Variants in MORC1 observed in about 807,000 individuals in gnomAD.
MORC1 encodes MORC family CW-type zinc finger 1.
A neutral mutation model predicts 134.9 loss-of-function variants in MORC1; 59 were observed. The ratio of observed to expected loss-of-function variants is 0.44; its 90% CI spans 0.35 to 0.54. The LOEUF is 0.54. MORC1 is among the 20% of genes least tolerant of loss of function. The pLI is 0.00. For synonymous variants in MORC1, 395 were observed against 391.7 expected (o/e 1.01, Z -0.10); for missense variants, 947 against 1,134.5 (o/e 0.83, Z 2.37).
intron 17 of MORC1, among the ~76,000 whole-genome samples, chr3:109,025,624 C>G (rs1351709238): frequency 3.3e-5 from 5 of 151,994 alleles, no homozygotes; most frequent in African/African-American, 1.2e-4. Flanking sequence ...CTCAAGTGAT[C>G]TGCCCATCTC....
At chr3:109,095,108 C>T (rs768970635) in intron 6 of MORC1, 40 bp from the exon 7 acceptor site, 4 of 1,508,292 alleles carry the variant, frequency 2.7e-6, no homozygotes, top group Admixed American at 2.3e-5. Flanking sequence ...ATGAAATACA[C>T]AAAAAACATT....
chr3:108,999,948 T>C (rs1485775350), intron 21 of MORC1, among the ~76,000 whole-genome samples: 1 of 152,200 alleles, frequency 6.6e-6, no homozygotes, highest in Non-Finnish European at 1.5e-5. Flanking sequence ...ATTTCTTATA[T>C]AGTCAGTCCT....
chr3:108,974,077 C>A (rs1947479932), intron 24 of MORC1, among the ~76,000 whole-genome samples: 1 of 152,042 alleles, frequency 6.6e-6, no homozygotes, highest in Admixed American at 6.6e-5. Flanking sequence ...TTCCCTGGAC[C>A]CTCCTTCAGT....
chr3:109,094,832 A>G, intron 7 of MORC1, 77 bp downstream of exon 7: 1 of 1,327,244 alleles, frequency 7.5e-7, no homozygotes. Context: ...AAAAAATGAA[A>G]ACATATGTAC....
In MORC1 at chr3:109,023,630, T is replaced by C. The variant is rs1189265589; in HGVS notation, c.1704+4121A>G. On this transcript the variant is annotated intron_variant, in intron 17 of 27. Coordinates refer to ENST00000232603, the MANE Select transcript of MORC1 (RefSeq NM_014429.4). ...TTCTGTGTGCATGATAATGACACAA[T>C]CATCCTTGTCACACAATAGAAGGTA... Among the ~76,000 whole-genome samples the C allele has an allele frequency of 2.0e-5, 3 of 152,188 alleles. No homozygotes were observed. In the East Asian group the frequency reaches 5.8e-4, roughly 29 times the overall value.
At chr3:109,038,465 G>A (rs1949432791) in intron 14 of MORC1, among the ~76,000 whole-genome samples, 1 of 151,988 alleles carries the variant, frequency 6.6e-6, no homozygotes, top group Admixed American at 6.6e-5. Flanking sequence ...GTCTATTTTG[G>A]CTTTTGTTGC....
chr3:109,116,069 G>A (rs867358087), intron 1 of MORC1, among the ~76,000 whole-genome samples: 51 of 152,146 alleles, frequency 3.4e-4, no homozygotes, highest in South Asian at 6.2e-4. Flanking sequence ...CTCCGCTTAT[G>A]GTAAAATGGG....
intron 8 of MORC1, among the ~76,000 whole-genome samples, chr3:109,078,364 A>C (rs1460694728): frequency 6.6e-6 from 1 of 152,072 alleles, no homozygotes; most frequent in Non-Finnish European, 1.5e-5. Context: ...CCATACAATT[A>C]GAGCAACAAT....
rs1453286996 is a variant in MORC1, at chr3:109,117,994, C to T, written c.65+1G>A. 1.3e-6 allele frequency: 2 copies of T among 1,599,038 alleles called. No individual in the cohort carries two copies. The highest frequency in any genetic ancestry group is 1.1e-5 in the South Asian group (1 of 88,228). On this transcript the variant is annotated splice_donor_variant, in intron 1 of 27. Transcript: ENST00000232603. LOFTEE classifies it high-confidence loss of function. The stretch of plus-strand genomic sequence containing the variant: ...GACCCCGACCCCACCTCGGCACTCA[C>T]GAGTTGGCGTGGATGAAATCCAGAC...
At chr3:109,108,679 C>T (rs1270283472) in intron 3 of MORC1, among the ~76,000 whole-genome samples, 1 of 152,196 alleles carries the variant, frequency 6.6e-6, no homozygotes, top group Non-Finnish European at 1.5e-5. Flanking sequence ...GGGCGGATCA[C>T]AAGGTCAGGA....
chr3:108,996,786 G>A (rs542253601), intron 21 of MORC1, among the ~76,000 whole-genome samples: 3 of 152,074 alleles, frequency 2.0e-5, no homozygotes, highest in South Asian at 2.1e-4. Flanking sequence ...TGAGGCGGGC[G>A]GATCATGAGT....
At chr3:109,041,778 G>A (rs757639166) in intron 14 of MORC1, among the ~76,000 whole-genome samples, 9 of 152,016 alleles carry the variant, frequency 5.9e-5, no homozygotes, top group Admixed American at 1.3e-4. Context: ...ACCAGAAGGC[G>A]GAGGTTGCAA....
intron 14 of MORC1, among the ~76,000 whole-genome samples, chr3:109,037,406 G>A (rs150140788): frequency 2.6e-5 from 4 of 152,262 alleles, no homozygotes; most frequent in Non-Finnish European, 5.9e-5. Flanking sequence ...TAGAAGGGTT[G>A]ATGAGGTTTT....
intron 1 of MORC1, among the ~76,000 whole-genome samples, chr3:109,116,620 TA>T (rs1330180145): frequency 6.6e-6 from 1 of 151,960 alleles, no homozygotes; most frequent in Non-Finnish European, 1.5e-5. Context: ...AAAATTTTTT[TA>T]AAAAAAGAAT....
chr3:108,976,663 A>T lies in MORC1; in HGVS notation c.2477+2852T>A, dbSNP rs568887369. Among the ~76,000 whole-genome samples the T allele has an allele frequency of 3.1e-4, 47 of 152,302 alleles. 1 individual carries two copies. Among genetic ancestry groups the T allele is most frequent in the African/African-American group, 1.1e-3 (45 of 41,576 alleles). On this transcript the variant is annotated intron_variant, in intron 24 of 27. Transcript: ENST00000232603. Reference sequence around the variant, plus strand: ...TCCTGTGTTCTGTCCAAATTTTTTTATCATAGAATATTTTTAATAAAATAA... The same window carrying T: ...TCCTGTGTTCTGTCCAAATTTTTTTTTCATAGAATATTTTTAATAAAATAA...
intron 26 of MORC1, among the ~76,000 whole-genome samples, chr3:108,969,139 T>C (rs533732359): frequency 6.6e-6 from 1 of 152,270 alleles, no homozygotes; most frequent in East Asian, 1.9e-4. Context: ...AGAGAAAGGT[T>C]GTAAGGAAAT....
intron 3 of MORC1, among the ~76,000 whole-genome samples, chr3:109,105,455 G>A (rs901176826): frequency 1.3e-5 from 2 of 152,084 alleles, no homozygotes; most frequent in African/African-American, 2.4e-5. Context: ...CCCGGGAGGC[G>A]GAGGTTGCAG....
chr3:108,982,096 A>G (rs764815202), intron 23 of MORC1, among the ~76,000 whole-genome samples: 1 of 152,248 alleles, frequency 6.6e-6, no homozygotes, highest in Non-Finnish European at 1.5e-5. Flanking sequence ...GGTGAAGGAT[A>G]TGAACAGACA....
chr3:108,970,265 G>A (rs1947341773), intron 25 of MORC1, among the ~76,000 whole-genome samples: 1 of 150,814 alleles, frequency 6.6e-6, no homozygotes, highest in African/African-American at 2.4e-5. Context: ...TGGGAGGGAG[G>A]AAAGCAAAAA....
Sources: gnomAD v4.1 joint callset for allele counts (sites outside exome capture counted in the v4.1 genomes callset) on GRCh38, gnomAD v4.1.1 for gene constraint, MANE v1.5 for transcripts, NCBI Gene and HGNC (gene_info 2026-07-23, HGNC 2026-07-21) for gene names.